Variants in TRIM25 observed in about 807,000 individuals in gnomAD.
The protein encoded by TRIM25 is E3 ubiquitin/ISG15 ligase TRIM25.
TRIM25 carries 45 observed loss-of-function variants against 65.2 expected under a neutral mutation model. That is an observed-to-expected ratio of 0.69 (90% CI 0.54 to 0.89). The LOEUF (loss-of-function observed/expected upper bound fraction) is 0.89. TRIM25 is among the 40% of genes least tolerant of loss of function. The pLI is 0.00. For missense variants in TRIM25, 714 were observed against 803.7 expected (o/e 0.89, Z 1.35); for synonymous variants, 321 against 340.4 (o/e 0.94, Z 0.63).
At chr17:56,898,092 A>G (rs1488555717) in intron 5 of TRIM25, among the ~76,000 whole-genome samples, 1 of 152,214 alleles carries the variant, frequency 6.6e-6, no homozygotes, top group African/African-American at 2.4e-5. Context: ...GGAAGCAATG[A>G]CAGCTAACAT....
At chr17:56,906,741 C>T (rs781515759) in intron 2 of TRIM25, among the ~76,000 whole-genome samples, 7 of 152,194 alleles carry the variant, frequency 4.6e-5, no homozygotes, top group African/African-American at 7.2e-5. Context: ...GTGATCCATG[C>T]GTCTCGGCCT....
chr17:56,908,776 T>A, intron 1 of TRIM25: 1 of 536,686 alleles, frequency 1.9e-6, no homozygotes, highest in Middle Eastern at 5.1e-4. Context: ...CAGAGGACAG[T>A]ACAGACCAGG....
At position 56,891,581 on chromosome 17, in the gene TRIM25, C is replaced by A; in HGVS notation, c.*119G>T. On this transcript the variant is annotated 3_prime_UTR_variant, in exon 9 of 9. Coordinates refer to ENST00000316881, the MANE Select transcript of TRIM25 (RefSeq NM_005082.5). ...CTCCCACCCTCCCGCCAGCTCCCCT[C>A]CCATGCTCCCAATCCTTGGGACCTC... is the stretch of plus-strand genomic sequence containing the variant. 1 of 756,752 alleles carries A rather than the reference C, an allele frequency of 1.3e-6. No individual in the cohort carries two copies. The allele number at this position is 756,752 out of a possible 1,614,324, so 46.9% of individuals were successfully genotyped here. A position where few individuals can be genotyped will look rare whatever the true frequency, so the allele number is the denominator to read the frequency against.
chr17:56,904,664 T>C (rs1217773643), intron 2 of TRIM25, among the ~76,000 whole-genome samples, 176 bp from the exon 3 acceptor site: 1 of 152,220 alleles, frequency 6.6e-6, no homozygotes, highest in Non-Finnish European at 1.5e-5. Context: ...GCTCATAGGC[T>C]ATGACTCGGC....
chr17:56,892,000 T>C lies in TRIM25; in HGVS notation c.1593A>G (p.Gly531=). The C allele has an allele frequency of 6.2e-7, 1 of 1,614,120 alleles. No individual in the cohort carries two copies. Among genetic ancestry groups the C allele is most frequent in the African/African-American group, 1.3e-5 (1 of 75,034 alleles). The stretch of plus-strand genomic sequence containing the variant: ...TTTCTGGGCCCTGCCGGTTCATGCT[T>C]CCGTAGCAGATGCCTACCCCACAGA... ...NNFCGVGICY[G]SMNRQGPESR... Residue 531 remains glycine (G), a synonymous_variant, in exon 9 of 9, where the codon GGA becomes GGG. Coordinates refer to ENST00000316881, the MANE Select transcript of TRIM25 (RefSeq NM_005082.5).
chr17:56,913,327 C>T lies in TRIM25; in HGVS notation c.597+65G>A, dbSNP rs1443751145. 6.3e-6 allele frequency: 9 copies of T among 1,434,660 alleles called. No homozygotes were observed. The Admixed American group carries it at 7.3e-5, about 12-fold the overall frequency. 88.9% of individuals were successfully genotyped at this position (1,434,660 alleles called of 1,614,324 possible). On this transcript the variant is annotated intron_variant, in intron 1 of 8. Coordinates refer to ENST00000316881, the MANE Select transcript of TRIM25 (RefSeq NM_005082.5). The surrounding 1 kb of genome is among the most constrained non-coding windows in gnomAD (Gnocchi z 6.1). ...GTCCAGAGTGTGGCAGAGAGGCCCC[C>T]GGTGGCCCCTCTGCACCACCCATCA...
intron 3 of TRIM25, among the ~76,000 whole-genome samples, chr17:56,902,776 C>G (rs149859961): frequency 4.8e-4 from 73 of 152,300 alleles, no homozygotes; most frequent in African/African-American, 1.7e-3. Context: ...CTCCAAATCT[C>G]ATGTTGGAAT....
chr17:56,914,040 C>A lies in TRIM25; in HGVS notation c.-52G>T. ...TGCTGCACCCGCGCTCCGAGGCCGCCGAGGAAACGAAACCTAGCTCGAGAG... is the reference window on the plus strand; with the variant it reads ...TGCTGCACCCGCGCTCCGAGGCCGCAGAGGAAACGAAACCTAGCTCGAGAG... On this transcript the variant is annotated 5_prime_UTR_variant, in exon 1 of 9. Transcript: ENST00000316881. 1.4e-6 allele frequency: 2 copies of A among 1,387,594 alleles called. No individual in the cohort carries two copies. Among genetic ancestry groups the A allele is most frequent in the South Asian group, 3.2e-5 (2 of 62,852 alleles). 86.0% of individuals were successfully genotyped at this position (1,387,594 alleles called of 1,614,324 possible). A position where few individuals can be genotyped will look rare whatever the true frequency, so the allele number is the denominator to read the frequency against.
At chr17:56,898,517 C>T (rs1444813270) in intron 5 of TRIM25, among the ~76,000 whole-genome samples, 1 of 152,078 alleles carries the variant, frequency 6.6e-6, no homozygotes, top group Non-Finnish European at 1.5e-5. Flanking sequence ...GGGGATAGTA[C>T]CCCTAGGAGG....
chr17:56,906,447 CAAG>C (rs1484568787), intron 2 of TRIM25, among the ~76,000 whole-genome samples: 1 of 151,966 alleles, frequency 6.6e-6, no homozygotes, highest in Non-Finnish European at 1.5e-5. Context: ...GAAAAACACA[CAAG>C]AAGGACAGTA....
chr17:56,899,205 T>C (rs1290036627), intron 4 of TRIM25, 25 bp from the exon 5 acceptor site: 2 of 1,613,896 alleles, frequency 1.2e-6, no homozygotes, highest in Non-Finnish European at 1.7e-6. Flanking sequence ...AAGGGCTCAG[T>C]GTGTGCGGCT....
In TRIM25 at chr17:56,895,583, C is replaced by A; in HGVS notation, c.1202G>T (p.Ser401Ile). The A allele has an allele frequency of 6.4e-7, 1 of 1,572,032 alleles. No homozygotes were observed. The highest frequency in any genetic ancestry group is 8.6e-7 in the Non-Finnish European group (1 of 1,157,110). ...CGGGGCTCCAAACGTGGGAAGCTTGCTGGGTAAGGCAGGGACAGGGGCTGG... is the reference window on the plus strand; with the variant it reads ...CGGGGCTCCAAACGTGGGAAGCTTGATGGGTAAGGCAGGGACAGGGGCTGG... ...KKPPPVPALP[S>I]KLPTFGAPEQ... Residue 401 changes from serine to isoleucine, a missense_variant, in exon 7 of 9, where the codon AGC (serine) becomes ATC (isoleucine). Physicochemically the swap from Ser to Ile is moderately radical, Grantham distance 142. Around this residue, in one of 3 missense-constraint regions of TRIM25, gnomAD observed 413 missense variants for 498.2 expected, o/e 0.83. Coordinates refer to ENST00000316881, the MANE Select transcript of TRIM25 (RefSeq NM_005082.5).
Position 56,913,467 on chromosome 17 carries a change from G to A in TRIM25, c.522C>T (p.Cys174=). ...GCTCCACCAGGCAGATGTGGCAGATGCACTCGCTGTGCTCGGGGCAGAAAA... is the reference window on the plus strand; with the variant it reads ...GCTCCACCAGGCAGATGTGGCAGATACACTCGCTGTGCTCGGGGCAGAAAA... The part of the protein sequence containing the change: ...REFFCPEHSE[C]ICHICLVEHK... Residue 174 remains cysteine (C), a synonymous_variant, in exon 1 of 9, where the codon TGC becomes TGT. Transcript: ENST00000316881. This position sits in a 1 kb window ranked among gnomAD's most constrained non-coding sequence, Gnocchi z 6.1. The A allele has an allele frequency of 6.2e-7, 1 of 1,611,968 alleles. No individual in the cohort carries two copies. Among genetic ancestry groups the A allele is most frequent in the Non-Finnish European group, 8.5e-7 (1 of 1,178,654 alleles).
rs367715143 is a variant in TRIM25 at position 56,891,989 on chromosome 17, C to T, written c.1604G>A (p.Arg535Gln). 6 of 1,614,062 alleles carry T rather than the reference C, an allele frequency of 3.7e-6. No individual in the cohort carries two copies. In the African/African-American group the frequency reaches 4.0e-5, roughly 11 times the overall value. Residue 535 changes from arginine (R) to glutamine (Q), a missense_variant, in exon 9 of 9, where the codon CGG (arginine) becomes CAG (glutamine). By Grantham distance (43) the Arg-to-Gln change is conservative. This residue lies in a region of TRIM25 where 413 missense variants were observed against 498.2 expected (regional missense o/e 0.83). Coordinates refer to ENST00000316881, the MANE Select transcript of TRIM25 (RefSeq NM_005082.5). ...GCCGAGCCTGCTTTCTGGGCCCTGC[C>T]GGTTCATGCTTCCGTAGCAGATGCC... is the stretch of plus-strand genomic sequence containing the variant. Reference protein sequence around the residue: ...GVGICYGSMNRQGPESRLGRN... With the variant: ...GVGICYGSMNQQGPESRLGRN...
At chr17:56,904,690 A>G (rs1909486164) in intron 2 of TRIM25, among the ~76,000 whole-genome samples, 1 of 152,192 alleles carries the variant, frequency 6.6e-6, no homozygotes, top group African/African-American at 2.4e-5. Context: ...CAGTCCTAGG[A>G]ATATGTGCTA....
At position 56,913,836 on chromosome 17, in the gene TRIM25, C is replaced by A; in HGVS notation, c.153G>T (p.Pro51=). 1 of 1,561,476 alleles carries A rather than the reference C, an allele frequency of 6.4e-7. No homozygotes were observed. The highest frequency in any genetic ancestry group is 8.7e-7 in the Non-Finnish European group (1 of 1,153,164). Residue 51 remains proline (P), a synonymous_variant, in exon 1 of 9, where the codon CCG becomes CCT. Coordinates refer to ENST00000316881, the MANE Select transcript of TRIM25 (RefSeq NM_005082.5). The surrounding 1 kb of genome is among the most constrained non-coding windows in gnomAD (Gnocchi z 6.1). ...WAVQGSPYLC[P]QCRAVYQARP... is the part of the protein sequence containing the mutation. ...GCGCCTGGTAGACGGCGCGGCACTG[C>A]GGGCACAGGTATGGCGAGCCCTGGA...
At position 56,901,433 on chromosome 17, in the gene TRIM25, G is replaced by A. The variant is rs205498; in HGVS notation, c.1073C>T (p.Pro358Leu). ...LKQCIGRLQE[P>L]TPSSGDPGEH... is the part of the protein sequence containing the mutation. ...GCTAAGGTCACCTGAACTGGGGGTG[G>A]GCTCCTGGAGCCGCCCGATGCACTG... Residue 358 changes from proline to leucine, a missense_variant, in exon 4 of 9, where the codon CCC becomes CTC. This residue lies in a region of TRIM25 where 413 missense variants were observed against 498.2 expected (regional missense o/e 0.83). Transcript: ENST00000316881. The A allele has an allele frequency of 0.74, 1,197,996 of 1,613,540 alleles. 445,607 individuals are homozygous for A. Among genetic ancestry groups the A allele is most frequent in the African/African-American group, 0.82 (61,427 of 74,932 alleles).
intron 3 of TRIM25, among the ~76,000 whole-genome samples, chr17:56,902,272 C>T (rs574808964): frequency 6.6e-6 from 1 of 152,310 alleles, no homozygotes; most frequent in Middle Eastern, 3.4e-3. Context: ...CTGATCTGAA[C>T]AAGGAATCTG....
At chr17:56,900,200 C>A (rs975802797) in intron 4 of TRIM25, among the ~76,000 whole-genome samples, 1 of 150,124 alleles carries the variant, frequency 6.7e-6, no homozygotes, top group East Asian at 1.9e-4. Flanking sequence ...GGTGACAGAG[C>A]GAGACTCCGT....
Sources: gnomAD v4.1 joint callset for allele counts (sites outside exome capture counted in the v4.1 genomes callset) on GRCh38, gnomAD v4.1.1 for gene constraint, gnomAD v4.1.1 regional missense constraint, Gnocchi (gnomAD v3.1) non-coding constraint, MANE v1.5 for transcripts, NCBI Gene and HGNC (gene_info 2026-07-23, HGNC 2026-07-21) for gene names.